The following DEPDC7 variants were observed in gnomAD, a reference collection of about 807,000 sequenced individuals.
The protein encoded by DEPDC7 is DEP domain-containing protein 7.
A neutral mutation model predicts 56.6 loss-of-function variants in DEPDC7; 41 were observed. The observed-to-expected ratio is 0.72, with a 90% CI of 0.56 to 0.94. The LOEUF is 0.94. DEPDC7 is among the 40% of genes least tolerant of loss of function. The pLI, the probability that DEPDC7 is intolerant of heterozygous loss-of-function variation, is 0.00. For missense variants in DEPDC7, 522 were observed against 596.3 expected, an observed-to-expected ratio of 0.88 and a Z score of 1.30; for synonymous variants, 185 against 208.8, an observed-to-expected ratio of 0.89 and a Z score of 0.98.
At chr11:33,027,188 C>T (rs1044286359) in intron 2 of DEPDC7, among the ~76,000 whole-genome samples, 2 of 152,086 alleles carry the variant, frequency 1.3e-5, no homozygotes, top group Non-Finnish European at 2.9e-5. Context: ...ATGATATTTC[C>T]GTGGTAAACA....
chr11:33,031,395 C>G lies in DEPDC7; in HGVS notation c.800C>G (p.Ser267Trp). ...CCCTATAGGGAAGATGAGTGGCTCT[C>G]GGCAGCAATTGACTGTTTAGAATAC... is the stretch of plus-strand genomic sequence containing the variant. The part of the protein sequence containing the change: ...YSDSQEDEWL[S>W]AAIDCLEYLP... The change falls in exon 5 of 9, where the codon TCG (serine) becomes TGG (tryptophan). Residue 267 changes from serine (S) to tryptophan (W), a missense_variant. By Grantham distance (177) the Ser-to-Trp change is radical. Coordinates refer to ENST00000241051, the MANE Select transcript of DEPDC7 (RefSeq NM_001077242.2). The G allele has an allele frequency of 6.2e-7, 1 of 1,614,012 alleles. No homozygotes were observed. The highest frequency in any genetic ancestry group is 8.5e-7 in the Non-Finnish European group (1 of 1,179,930).
chr11:33,021,730 A>G (rs1853526243), intron 1 of DEPDC7, among the ~76,000 whole-genome samples: 1 of 151,832 alleles, frequency 6.6e-6, no homozygotes, highest in Non-Finnish European at 1.5e-5. Flanking sequence ...GTGAGAACAG[A>G]GGGGACCTGT....
Position 33,015,917 on chromosome 11 carries a change from G to A in DEPDC7, c.-39G>A, listed in dbSNP as rs1488435406. The A allele has an allele frequency of 1.9e-6, 3 of 1,544,292 alleles. No homozygotes were observed. The highest frequency in any genetic ancestry group is 2.8e-5 in the African/African-American group (2 of 71,940). On this transcript the variant is annotated 5_prime_UTR_variant, in exon 1 of 9. Transcript: ENST00000241051. ...GGCGCTCAGGGAGCTAGGGAGCTGT[G>A]AAGCTGCTGGAGGAGTTGGCGTCCG...
chr11:33,032,864 T>G (rs113629143), intron 7 of DEPDC7, 25 bp from the exon 8 acceptor site: 32 of 1,583,574 alleles, frequency 2.0e-5, no homozygotes, highest in African/African-American at 1.8e-4. Context: ...TTGAATAATG[T>G]CCCATGTCCC....
intron 8 of DEPDC7, 54 bp from the exon 9 acceptor site, chr11:33,033,208 C>A (rs2273539): frequency 9.1e-5 from 120 of 1,325,126 alleles, no homozygotes; most frequent in Admixed American, 2.1e-4. Context: ...GATTTTTCTG[C>A]TTAAATATGA....
intron 1 of DEPDC7, chr11:33,016,502 A>G: frequency 2.5e-6 from 4 of 1,613,474 alleles, no homozygotes; most frequent in Non-Finnish European, 3.4e-6. Flanking sequence ...GCTAGGAGTC[A>G]AGAGTCAGCT....
chr11:33,029,992 C>T (rs1476876637), intron 4 of DEPDC7, among the ~76,000 whole-genome samples: 1 of 151,974 alleles, frequency 6.6e-6, no homozygotes, highest in Non-Finnish European at 1.5e-5. Flanking sequence ...GACAGAGTCT[C>T]TCTGTCGCCC....
chr11:33,030,452 C>CGATAGATA (rs61268969), intron 4 of DEPDC7, among the ~76,000 whole-genome samples: 9,608 of 150,796 alleles, frequency 0.064, 493 homozygotes, highest in African/African-American at 0.15. Flanking sequence ...TGCTTTTTAA[C>CGATAGATA]GATAGATAGA....
At position 33,027,808 on chromosome 11, in the gene DEPDC7, C is replaced by T. The variant is rs766542354; in HGVS notation, c.587C>T (p.Pro196Leu). Residue 196 changes from proline to leucine, a missense_variant, in exon 3 of 9, where the codon CCA (proline) becomes CTA (leucine). Transcript: ENST00000241051. ...GTAAATATCTCTGCAACCTTGTCTC[C>T]ACAAGGTAAGCTAAGGATGAAGCAA... The part of the protein sequence containing the change: ...PHVNISATLS[P>L]QVINEVWQEE... 5.2e-6 allele frequency: 8 copies of T among 1,552,998 alleles called. No individual in the cohort carries two copies. In the Admixed American group the frequency reaches 1.6e-4, roughly 30 times the overall value.
At chr11:33,023,866 C>T (rs1853547989) in intron 1 of DEPDC7, among the ~76,000 whole-genome samples, 1 of 152,138 alleles carries the variant, frequency 6.6e-6, no homozygotes, top group Admixed American at 6.5e-5. Context: ...AATTATAATT[C>T]CCTTTTTTCC....
At chr11:33,024,832 G>A (rs1590207979) in intron 1 of DEPDC7, among the ~76,000 whole-genome samples, 1 of 131,342 alleles carries the variant, frequency 7.6e-6, no homozygotes, top group South Asian at 2.3e-4. Context: ...GTGTGTGTGT[G>A]TGTGTGTATG....
At chr11:33,031,187 A>G (rs946956416) in intron 4 of DEPDC7, among the ~76,000 whole-genome samples, 191 bp from the exon 5 acceptor site, 1 of 152,248 alleles carries the variant, frequency 6.6e-6, no homozygotes, top group Non-Finnish European at 1.5e-5. Context: ...CATTAAGCTG[A>G]ATTTGTAAAT....
intron 1 of DEPDC7, 151 bp downstream of exon 1, chr11:33,016,179 G>T: frequency 1.6e-6 from 2 of 1,262,274 alleles, no homozygotes; most frequent in Non-Finnish European, 2.0e-6. Context: ...CGACCACTTG[G>T]CCAACGCCCC....
At chr11:33,028,208 CTT>C (rs1337191529) in intron 3 of DEPDC7, 1 of 194,102 alleles carries the variant, frequency 5.2e-6, no homozygotes, top group African/African-American at 2.3e-5. Context: ...AGTTTAATGA[CTT>C]TAATTTCCAC....
Position 33,032,730 on chromosome 11 carries a change from A to G in DEPDC7, c.1200A>G (p.Leu400=), listed in dbSNP as rs1217102508. The G allele has an allele frequency of 6.2e-7, 1 of 1,608,468 alleles. No homozygotes were observed. ...FSKAIVDNKN[L]SKGKTDLLVL... ...AAGCTATTGTTGACAATAAAAATTT[A>G]TCCAAAGGCAAAACAGATCTTCTGG... Residue 400 remains leucine (L), a synonymous_variant, in exon 7 of 9, where the codon TTA becomes TTG. Transcript: ENST00000241051.
rs528768783 is a variant in DEPDC7 at position 33,026,170 on chromosome 11, G to A, written c.464+121G>A. The A allele has an allele frequency of 2.2e-4, 247 of 1,109,338 alleles. 2 individuals carry two copies. In the South Asian group the frequency reaches 3.2e-3, roughly 14 times the overall value. 68.7% of individuals were successfully genotyped at this position (1,109,338 alleles called of 1,614,324 possible). A position where few individuals can be genotyped will look rare whatever the true frequency, so the allele number is the denominator to read the frequency against. On this transcript the variant is annotated intron_variant, in intron 2 of 8. Transcript: ENST00000241051. ...GTAAATGTGGCTAAAATATGGGTCT[G>A]TGGGTAAATTTGATAAAGTGCGATG...
intron 1 of DEPDC7, among the ~76,000 whole-genome samples, chr11:33,017,001 G>C: frequency 6.6e-6 from 1 of 152,102 alleles, no homozygotes; most frequent in East Asian, 1.9e-4. Context: ...TCCTTCCTCT[G>C]GGTCAAATGG....
intron 1 of DEPDC7, chr11:33,016,357 TC>T: frequency 7.0e-7 from 1 of 1,423,004 alleles, no homozygotes; most frequent in Non-Finnish European, 9.1e-7. Flanking sequence ...CGGGATATGC[TC>T]CGCGGTGCTA....
intron 1 of DEPDC7, among the ~76,000 whole-genome samples, chr11:33,022,079 T>C (rs1853529869): frequency 6.6e-6 from 1 of 152,202 alleles, no homozygotes; most frequent in Middle Eastern, 3.2e-3. Context: ...TGTTTCATCT[T>C]TATATTATCA....
Sources: gnomAD v4.1 joint callset for allele counts (sites outside exome capture counted in the v4.1 genomes callset) on GRCh38, gnomAD v4.1.1 for gene constraint, MANE v1.5 for transcripts, NCBI Gene and HGNC (gene_info 2026-07-23, HGNC 2026-07-21) for gene names.